Variants in NR3C2 observed in about 807,000 individuals in gnomAD.
NR3C2 encodes mineralocorticoid receptor.
Under a neutral mutation model 86.4 loss-of-function variants are expected in NR3C2, and 15 were observed. The ratio of observed to expected loss-of-function variants is 0.17; its 90% CI spans 0.12 to 0.27. The LOEUF (loss-of-function observed/expected upper bound fraction) is 0.27. Among genes scored for constraint, NR3C2 ranks in the 10% least tolerant of loss-of-function variants. The pLI is 1.00. For synonymous variants in NR3C2, 458 were observed against 450.5 expected (o/e 1.02, Z -0.21); for missense variants, 960 against 1,195.6 (o/e 0.80, Z 2.91).
chr4:148,359,523 A>G (rs1215612162), intron 2 of NR3C2, among the ~76,000 whole-genome samples: 1 of 152,178 alleles, frequency 6.6e-6, no homozygotes, highest in African/African-American at 2.4e-5. Context: ...GGATAAACAA[A>G]TGAATATCAA....
chr4:148,134,310 A>T (rs1215506973), intron 6 of NR3C2, among the ~76,000 whole-genome samples: 2 of 152,224 alleles, frequency 1.3e-5, no homozygotes, highest in Non-Finnish European at 2.9e-5. Context: ...TTCCCACAAA[A>T]CATCAACACT....
intron 2 of NR3C2, among the ~76,000 whole-genome samples, chr4:148,272,153 T>C (rs756408056): frequency 6.6e-6 from 1 of 152,186 alleles, no homozygotes; most frequent in East Asian, 1.9e-4. Flanking sequence ...TATTCTAGTA[T>C]GAGGGAATAG....
chr4:148,095,223 A>G (rs914252587), intron 8 of NR3C2, among the ~76,000 whole-genome samples: 5 of 150,280 alleles, frequency 3.3e-5, no homozygotes, highest in African/African-American at 1.2e-4. Context: ...TAAACCCCCA[A>G]CCTGCTCCCA....
chr4:148,344,304 A>G (rs1744888448), intron 2 of NR3C2, among the ~76,000 whole-genome samples: 1 of 152,186 alleles, frequency 6.6e-6, no homozygotes, highest in Admixed American at 6.6e-5. Flanking sequence ...TATATCTAAC[A>G]TAGTGAAATA....
At chr4:148,252,655 A>G (rs751833288) in intron 3 of NR3C2, among the ~76,000 whole-genome samples, 14 of 152,238 alleles carry the variant, frequency 9.2e-5, no homozygotes, top group Admixed American at 2.6e-4. Context: ...TAAGAACATC[A>G]TAAGTCAGGT....
intron 2 of NR3C2, among the ~76,000 whole-genome samples, chr4:148,417,065 C>T (rs1401507666): frequency 2.0e-5 from 3 of 152,182 alleles, no homozygotes; most frequent in Non-Finnish European, 2.9e-5. Context: ...GCGTGAGCCA[C>T]CGCACCTGGC....
At chr4:148,347,844 T>G (rs376908710) in intron 2 of NR3C2, among the ~76,000 whole-genome samples, 2 of 152,044 alleles carry the variant, frequency 1.3e-5, no homozygotes, top group African/African-American at 4.8e-5. Flanking sequence ...GTGGTTTATA[T>G]GGCTTACAAT....
intron 4 of NR3C2, among the ~76,000 whole-genome samples, chr4:148,189,075 C>T (rs755911477): frequency 4.0e-5 from 6 of 151,832 alleles, no homozygotes; most frequent in South Asian, 2.1e-4. Context: ...ACTACAGGTG[C>T]GCGCCACCAC....
chr4:148,097,033 C>T (rs947349319), intron 8 of NR3C2, among the ~76,000 whole-genome samples: 15 of 152,158 alleles, frequency 9.9e-5, no homozygotes, highest in East Asian at 1.9e-4. Context: ...ACTACTAAAA[C>T]GTTGGGGAAA....
At chr4:148,115,978 C>A (rs1303350221) in intron 7 of NR3C2, among the ~76,000 whole-genome samples, 1 of 151,982 alleles carries the variant, frequency 6.6e-6, no homozygotes, top group Non-Finnish European at 1.5e-5. Flanking sequence ...CCAATTTCTA[C>A]CAAAATTTTA....
At chr4:148,157,614 A>G (rs1400140286) in intron 4 of NR3C2, among the ~76,000 whole-genome samples, 2 of 152,134 alleles carry the variant, frequency 1.3e-5, no homozygotes, top group Non-Finnish European at 2.9e-5. Context: ...AGACAGATGA[A>G]TGAGAGAACA....
chr4:148,325,310 A>T (rs1041028267), intron 2 of NR3C2, among the ~76,000 whole-genome samples: 21 of 152,242 alleles, frequency 1.4e-4, no homozygotes, highest in African/African-American at 4.6e-4. Flanking sequence ...TACATACTAC[A>T]TATTACAATT....
intron 3 of NR3C2, among the ~76,000 whole-genome samples, chr4:148,241,482 T>C (rs971356864): frequency 2.0e-5 from 3 of 151,982 alleles, no homozygotes; most frequent in African/African-American, 7.3e-5. Context: ...TTTGGCATTC[T>C]AGCCTCCTTC....
chr4:148,353,517 C>A (rs538986503), intron 2 of NR3C2, among the ~76,000 whole-genome samples: 3 of 151,980 alleles, frequency 2.0e-5, no homozygotes, highest in Non-Finnish European at 2.9e-5. Context: ...ACCGCAAATG[C>A]AAGTGGTTAC....
chr4:148,234,672 G>A (rs2149840743), intron 3 of NR3C2, among the ~76,000 whole-genome samples: 1 of 141,284 alleles, frequency 7.1e-6, no homozygotes, highest in East Asian at 2.1e-4. Flanking sequence ...GACACAGTGA[G>A]ACTCCAACTA....
intron 1 of NR3C2, among the ~76,000 whole-genome samples, chr4:148,441,830 T>C (rs1457288272): frequency 6.6e-6 from 1 of 152,212 alleles, no homozygotes; most frequent in Non-Finnish European, 1.5e-5. Flanking sequence ...AGAAATATTA[T>C]TCAAACGTCC....
At chr4:148,358,816 G>T (rs1314638532) in intron 2 of NR3C2, among the ~76,000 whole-genome samples, 1 of 152,262 alleles carries the variant, frequency 6.6e-6, no homozygotes, top group South Asian at 2.1e-4. Context: ...TGGCTAATAA[G>T]TTAATTTGTA....
intron 2 of NR3C2, among the ~76,000 whole-genome samples, chr4:148,429,603 T>C (rs1749706541): frequency 1.3e-5 from 2 of 152,232 alleles, no homozygotes; most frequent in East Asian, 1.9e-4. Flanking sequence ...TTATATGTAA[T>C]TACATTTTAA....
At chr4:148,275,384 T>C (rs541495642) in intron 2 of NR3C2, among the ~76,000 whole-genome samples, 1 of 152,256 alleles carries the variant, frequency 6.6e-6, no homozygotes, top group Non-Finnish European at 1.5e-5. Context: ...AAAGAAGACA[T>C]TATGAGGAAT....
Sources: allele counts gnomAD v4.1 joint callset (sites outside exome capture counted in the v4.1 genomes callset), GRCh38; gene constraint gnomAD v4.1.1; transcripts MANE v1.5; gene names NCBI Gene and HGNC (gene_info 2026-07-23, HGNC 2026-07-21).